ZNF717: variants seen among roughly 807,000 people sequenced by gnomAD.
ZNF717 encodes krueppel-like factor X17.
A neutral mutation model predicts 13.8 loss-of-function variants in ZNF717; 9 were observed. The ratio of observed to expected loss-of-function variants is 0.65; its 90% CI spans 0.39 to 1.14. The LOEUF (loss-of-function observed/expected upper bound fraction) is 1.14. Ranked by LOEUF, ZNF717 falls within the 50% of genes most tolerant of loss-of-function variation. ZNF717 has a pLI of 0.01. For missense variants in ZNF717, 1,040 were observed against 1,080.7 expected (o/e 0.96, Z 0.53); for synonymous variants, 327 against 364.1 (o/e 0.90, Z 1.16).
In ZNF717 at chr3:75,738,764, C is replaced by G. The variant is rs1160645488; in HGVS notation, c.859G>C (p.Glu287Gln). The change falls in exon 5 of 5, where the codon GAA becomes CAA. Residue 287 changes from glutamate to glutamine, a missense_variant. Glu to Gln is a conservative substitution (Grantham distance 29). This residue lies in a region of ZNF717 where 873 missense variants were observed against 832.8 expected (regional missense o/e 1.05). Transcript: ENST00000652011. ...TTGCTAATGGAGGGTTTCTCACATT[C>G]AACACATTCATAGGGTTTCTCTCCT... is the stretch of plus-strand genomic sequence containing the variant. Reference protein sequence around the residue: ...HTGEKPYECVECEKPSISKSD... With the variant: ...HTGEKPYECVQCEKPSISKSD... 1 of 1,552,902 alleles carries G rather than the reference C, an allele frequency of 6.4e-7. No individual in the cohort carries two copies. Among genetic ancestry groups the G allele is most frequent in the South Asian group, 1.2e-5 (1 of 84,098 alleles).
intron 3 of ZNF717, 42 bp downstream of exon 3, chr3:75,741,568 A>C: frequency 6.4e-7 from 1 of 1,573,114 alleles, no homozygotes; most frequent in Non-Finnish European, 8.6e-7. Context: ...ATTTACCAGC[A>C]ACAAAATACA....
chr3:75,734,552 C>A (rs1221364782), downstream of ZNF717, among the ~76,000 whole-genome samples: 22 of 151,318 alleles, frequency 1.5e-4, no homozygotes, highest in African/African-American at 5.1e-4. Context: ...CCTGCCTCAG[C>A]CTCCCGAGTA....
intron 2 of ZNF717, among the ~76,000 whole-genome samples, chr3:75,780,200 CGTGCT>C (rs1944703315): frequency 6.9e-6 from 1 of 145,258 alleles, no homozygotes; most frequent in African/African-American, 2.6e-5. Context: ...ATGGGAGTGA[CGTGCT>C]AAAACCGGAA....
At chr3:75,753,618 A>G (rs112872658) in intron 2 of ZNF717, among the ~76,000 whole-genome samples, 1 of 152,080 alleles carries the variant, frequency 6.6e-6, no homozygotes, top group East Asian at 1.9e-4. Flanking sequence ...AGGATTCCTG[A>G]ACACTGCTAC....
downstream of ZNF717, among the ~76,000 whole-genome samples, chr3:75,729,025 G>A (rs140693973): frequency 6.3e-5 from 8 of 127,372 alleles, no homozygotes; most frequent in Non-Finnish European, 1.2e-4. Context: ...AATCAGATAT[G>A]CATTTGTGTC....
At chr3:75,770,513 T>C (rs1943802180) in intron 2 of ZNF717, among the ~76,000 whole-genome samples, 1 of 152,036 alleles carries the variant, frequency 6.6e-6, no homozygotes, top group African/African-American at 2.4e-5. Flanking sequence ...TGAGCCAAGA[T>C]TGCACCACTG....
At chr3:75,757,513 A>G (rs1043497015) in intron 2 of ZNF717, among the ~76,000 whole-genome samples, 7 of 152,198 alleles carry the variant, frequency 4.6e-5, no homozygotes, top group African/African-American at 1.7e-4. Context: ...GATTTCTTTC[A>G]AAGTATTACC....
chr3:75,750,485 CTG>C (rs1358700345), intron 2 of ZNF717, among the ~76,000 whole-genome samples: 4 of 151,160 alleles, frequency 2.6e-5, no homozygotes, highest in Non-Finnish European at 5.9e-5. Flanking sequence ...TACACTCCTG[CTG>C]TGGTCTGAAT....
chr3:75,723,950 C>T (rs1444731200), intron 4 of ZNF717, among the ~76,000 whole-genome samples: 6 of 152,338 alleles, frequency 3.9e-5, no homozygotes, highest in Admixed American at 1.3e-4. Context: ...GGTCACGCTC[C>T]TGGTCTGCTT....
intron 2 of ZNF717, among the ~76,000 whole-genome samples, chr3:75,751,686 T>C (rs1417190348): frequency 1.2e-4 from 18 of 145,936 alleles, no homozygotes; most frequent in Non-Finnish European, 2.3e-4. Context: ...ACTCCTGCTG[T>C]GTTCTGAATA....
chr3:75,741,012 A>G (rs1213380625), intron 4 of ZNF717, among the ~76,000 whole-genome samples: 1 of 152,194 alleles, frequency 6.6e-6, no homozygotes, highest in Non-Finnish European at 1.5e-5. Flanking sequence ...GGAAACAGAG[A>G]AAATAAATAG....
At chr3:75,721,060 T>C (rs1221814887) in intron 4 of ZNF717, among the ~76,000 whole-genome samples, 4 of 152,052 alleles carry the variant, frequency 2.6e-5, no homozygotes, top group Non-Finnish European at 4.4e-5. Context: ...ACACAAAATA[T>C]TGATTAAAGT....
intron 2 of ZNF717, among the ~76,000 whole-genome samples, chr3:75,765,716 A>C (rs1349447362): frequency 6.6e-6 from 1 of 152,198 alleles, no homozygotes; most frequent in Non-Finnish European, 1.5e-5. Context: ...CCAGCCTATA[A>C]AAAATTATTT....
chr3:75,722,246 A>G (rs1938182928), intron 4 of ZNF717, among the ~76,000 whole-genome samples: 1 of 152,096 alleles, frequency 6.6e-6, no homozygotes, highest in Non-Finnish European at 1.5e-5. Flanking sequence ...GAGACAGAGC[A>G]AGATTCCACT....
At chr3:75,775,482 G>C (rs1248914456) in intron 2 of ZNF717, among the ~76,000 whole-genome samples, 1 of 152,216 alleles carries the variant, frequency 6.6e-6, no homozygotes, top group African/African-American at 2.4e-5. Flanking sequence ...GTGAGCACAG[G>C]TTTCTAATAA....
In ZNF717 at chr3:75,739,046, G is replaced by C. The variant is rs1939968621; in HGVS notation, c.577C>G (p.His193Asp). 1.3e-6 allele frequency: 2 copies of C among 1,551,578 alleles called. No homozygotes were observed. Among genetic ancestry groups the C allele is most frequent in the South Asian group, 2.4e-5 (2 of 84,024 alleles). Reference protein sequence around the residue: ...CDITRRSHRHHEHLTQHHKIQ... With the variant: ...CDITRRSHRHDEHLTQHHKIQ... ...TTGTGATGCTGAGTAAGATGTTCAT[G>C]ATGTCTGTGGGATCTCCTGGTTATA... is the stretch of plus-strand genomic sequence containing the variant. The change falls in exon 5 of 5, where the codon CAT (histidine) becomes GAT (aspartate). Residue 193 changes from histidine (H) to aspartate (D), a missense_variant. By Grantham distance (81) the His-to-Asp change is moderately conservative (BLOSUM62 -1). This residue lies in a region of ZNF717 where 873 missense variants were observed against 832.8 expected (regional missense o/e 1.05). Transcript: ENST00000652011.
At chr3:75,744,817 A>G (rs1940961271) in intron 2 of ZNF717, among the ~76,000 whole-genome samples, 2 of 152,232 alleles carry the variant, frequency 1.3e-5, no homozygotes, top group African/African-American at 4.8e-5. Context: ...GCTTGTCCAC[A>G]GGAGAAACTA....
intron 4 of ZNF717, among the ~76,000 whole-genome samples, chr3:75,740,885 C>T (rs1254212437): frequency 6.6e-6 from 1 of 152,052 alleles, no homozygotes; most frequent in Non-Finnish European, 1.5e-5. Flanking sequence ...ACACCATTTT[C>T]ATCATCGTTA....
At chr3:75,772,327 C>A (rs1449527728) in intron 2 of ZNF717, among the ~76,000 whole-genome samples, 1 of 152,242 alleles carries the variant, frequency 6.6e-6, no homozygotes, top group Non-Finnish European at 1.5e-5. Context: ...GACCTGCCAA[C>A]CAGCAGCGCT....
Sources: allele counts gnomAD v4.1 joint callset (sites outside exome capture counted in the v4.1 genomes callset), GRCh38; gene constraint gnomAD v4.1.1; regional missense constraint gnomAD v4.1.1; transcripts MANE v1.5; gene names NCBI Gene and HGNC (gene_info 2026-07-23, HGNC 2026-07-21).